The following XRCC4 variants were observed in gnomAD, a reference collection of about 807,000 sequenced individuals.
XRCC4 encodes DNA repair protein XRCC4.
In XRCC4, 28 loss-of-function variants were observed where a neutral mutation model predicts 39.1. The ratio of observed to expected loss-of-function variants is 0.72; its 90% confidence interval spans 0.53 to 0.98. The LOEUF is 0.98. Ranked by LOEUF, XRCC4 falls within the 50% of genes least tolerant of loss-of-function variation. The pLI, the probability that XRCC4 is intolerant of heterozygous loss-of-function variation, is 0.00. For synonymous variants in XRCC4, 123 were observed against 126.4 expected (o/e 0.97, Z 0.18); for missense variants, 350 against 376.4 (o/e 0.93, Z 0.58).
intron 6 of XRCC4, among the ~76,000 whole-genome samples, chr5:83,212,926 A>T (rs1392950267): frequency 7.5e-6 from 1 of 133,072 alleles, no homozygotes. Context: ...GATTCCATCT[A>T]AAAAAAAAAA....
intron 6 of XRCC4, among the ~76,000 whole-genome samples, chr5:83,207,505 G>C (rs144254792): frequency 0.014 from 2,128 of 152,006 alleles, 20 homozygotes; most frequent in Non-Finnish European, 0.023. Context: ...CTTTTAGTAA[G>C]TTTTCGATGT....
chr5:83,258,502 G>A (rs1470434083), intron 6 of XRCC4, 28 bp from the exon 7 acceptor site: 2 of 1,601,292 alleles, frequency 1.2e-6, no homozygotes, highest in South Asian at 1.1e-5. Context: ...ATTTTGTTGG[G>A]TCACATTCTC....
chr5:83,212,895 C>G (rs2112760715), intron 6 of XRCC4, among the ~76,000 whole-genome samples: 1 of 148,736 alleles, frequency 6.7e-6, no homozygotes, highest in Non-Finnish European at 1.5e-5. Flanking sequence ...CCACTGCACT[C>G]CAGCCTGGGA....
intron 6 of XRCC4, among the ~76,000 whole-genome samples, 156 bp from the exon 7 acceptor site, chr5:83,258,374 A>G (rs574427015): frequency 2.6e-5 from 4 of 152,176 alleles, no homozygotes; most frequent in Non-Finnish European, 5.9e-5. Context: ...TATGGCATCT[A>G]ACTGACTTGA....
intron 3 of XRCC4, among the ~76,000 whole-genome samples, chr5:83,164,543 T>G (rs531452519): frequency 6.6e-6 from 1 of 152,150 alleles, no homozygotes; most frequent in Non-Finnish European, 1.5e-5. Context: ...AATAGTGTAT[T>G]GTGTACATGA....
At chr5:83,312,903 TAA>T (rs1401699596) in intron 7 of XRCC4, among the ~76,000 whole-genome samples, 1 of 152,122 alleles carries the variant, frequency 6.6e-6, no homozygotes, top group Non-Finnish European at 1.5e-5. Flanking sequence ...TTGACTTTAG[TAA>T]AGTCATTGGA....
Position 83,134,733 on chromosome 5 carries a change from G to C in XRCC4, c.315+23530G>C, listed in dbSNP as rs373892845. ...TGGAAGCTTTGTTCTTTCATTCTTCGCAATAAATCTTGCTGCTGCTCACTC... is the reference window on the plus strand; with the variant it reads ...TGGAAGCTTTGTTCTTTCATTCTTCCCAATAAATCTTGCTGCTGCTCACTC... On this transcript the variant is annotated intron_variant, in intron 3 of 7. Coordinates refer to ENST00000396027, the MANE Select transcript of XRCC4 (RefSeq NM_003401.5). Among the ~76,000 whole-genome samples the C allele has an allele frequency of 3.5e-4, 54 of 152,200 alleles. No homozygotes were observed. In the South Asian group the frequency reaches 0.011, roughly 31 times the overall value.
chr5:83,346,292 T>G (rs1756914368), intron 7 of XRCC4, among the ~76,000 whole-genome samples: 1 of 152,164 alleles, frequency 6.6e-6, no homozygotes, highest in Admixed American at 6.5e-5. Flanking sequence ...CTAAGATCAC[T>G]TATAATAACC....
intron 6 of XRCC4, among the ~76,000 whole-genome samples, chr5:83,246,795 TATAAG>T (rs954771435): frequency 2.6e-5 from 4 of 152,210 alleles, no homozygotes; most frequent in Admixed American, 6.5e-5. Context: ...CATTTTAACT[TATAAG>T]ATAAATGCAT....
intron 7 of XRCC4, among the ~76,000 whole-genome samples, chr5:83,325,030 C>T (rs993934850): frequency 2.6e-5 from 4 of 152,064 alleles, no homozygotes; most frequent in Non-Finnish European, 4.4e-5. Context: ...AACAATGTAG[C>T]ACAATCCCAT....
At chr5:83,254,250 G>T (rs1037373124) in intron 6 of XRCC4, among the ~76,000 whole-genome samples, 2 of 151,828 alleles carry the variant, frequency 1.3e-5, no homozygotes, top group African/African-American at 2.4e-5. Context: ...ATACTTTTCT[G>T]CCTGCATTTG....
intron 3 of XRCC4, among the ~76,000 whole-genome samples, chr5:83,184,279 A>T (rs1284745675): frequency 1.3e-5 from 2 of 152,096 alleles, no homozygotes; most frequent in East Asian, 3.8e-4. Context: ...TTCATTAATG[A>T]TAAATAATAA....
chr5:83,370,824 C>T, the XRCC4 span, among the ~76,000 whole-genome samples: 1 of 152,102 alleles, frequency 6.6e-6, no homozygotes, highest in African/African-American at 2.4e-5. Flanking sequence ...CATGTGTTAC[C>T]TGCATCAACA....
At chr5:83,225,059 C>T (rs150532177) in intron 6 of XRCC4, among the ~76,000 whole-genome samples, 33 of 152,260 alleles carry the variant, frequency 2.2e-4, no homozygotes, top group African/African-American at 7.2e-4. Context: ...CTTGATAAGA[C>T]AACTACCTCT....
the XRCC4 span, among the ~76,000 whole-genome samples, chr5:83,362,552 A>G: frequency 0.034 from 5,185 of 152,194 alleles, 281 homozygotes; most frequent in African/African-American, 0.12. Flanking sequence ...GACTTGTGGC[A>G]TTTGAGTAAA....
At chr5:83,125,119 C>T (rs553011078) in intron 3 of XRCC4, among the ~76,000 whole-genome samples, 2 of 152,208 alleles carry the variant, frequency 1.3e-5, no homozygotes, top group South Asian at 4.1e-4. Context: ...TGTTTATTTG[C>T]CATCTCTGTA....
chr5:83,363,429 A>G, the XRCC4 span, among the ~76,000 whole-genome samples: 69 of 152,314 alleles, frequency 4.5e-4, no homozygotes, highest in Non-Finnish European at 8.8e-4. Flanking sequence ...GTAAAGGGAC[A>G]AGCTGATTAG....
chr5:83,303,238 T>G (rs959284326), intron 7 of XRCC4, among the ~76,000 whole-genome samples: 4 of 149,084 alleles, frequency 2.7e-5, no homozygotes, highest in African/African-American at 9.9e-5. Flanking sequence ...AAAAAAGATG[T>G]CAAACTTGGG....
intron 1 of XRCC4, among the ~76,000 whole-genome samples, chr5:83,103,553 A>G (rs1746055201): frequency 6.6e-6 from 1 of 152,106 alleles, no homozygotes; most frequent in Middle Eastern, 3.2e-3. Flanking sequence ...TGATCCAACA[A>G]TTTTACTCTT....
Sources: allele counts gnomAD v4.1 joint callset (sites outside exome capture counted in the v4.1 genomes callset), GRCh38; gene constraint gnomAD v4.1.1; transcripts MANE v1.5; gene names NCBI Gene and HGNC (gene_info 2026-07-23, HGNC 2026-07-21).